UAP1: variants seen among roughly 807,000 people sequenced by gnomAD.
The protein encoded by UAP1 is UDP-N-acetylglucosamine pyrophosphorylase 1.
In UAP1, 25 loss-of-function variants were observed where a neutral mutation model predicts 58.5. The ratio of observed to expected loss-of-function variants is 0.43; its 90% CI spans 0.31 to 0.60. The LOEUF (loss-of-function observed/expected upper bound fraction) is 0.60, where lower values mean the gene tolerates loss of function less well. UAP1 is among the 20% of genes least tolerant of loss of function. UAP1 has a pLI of 0.11. For synonymous variants in UAP1, 208 were observed against 213.0 expected, an observed-to-expected ratio of 0.98 and a Z score of 0.21; for missense variants, 575 against 630.0, an observed-to-expected ratio of 0.91 and a Z score of 0.93.
intron 2 of UAP1, among the ~76,000 whole-genome samples, chr1:162,571,429 G>A (rs1044284795): frequency 3.9e-5 from 6 of 152,098 alleles, no homozygotes; most frequent in Middle Eastern, 3.4e-3. Flanking sequence ...GCACCTGGCC[G>A]CTTTTTAAAA....
chr1:162,580,192 G>C (rs1005341145), intron 4 of UAP1, among the ~76,000 whole-genome samples: 5 of 152,080 alleles, frequency 3.3e-5, no homozygotes, highest in Admixed American at 1.3e-4. Flanking sequence ...TATGTATACT[G>C]CAATGTTCAT....
intron 2 of UAP1, among the ~76,000 whole-genome samples, chr1:162,572,604 G>A (rs538723132): frequency 6.6e-6 from 1 of 152,210 alleles, no homozygotes; most frequent in Non-Finnish European, 1.5e-5. Context: ...TGAAGAAAAT[G>A]TACTGTATAA....
At chr1:162,587,824 G>A in intron 6 of UAP1, 156 bp downstream of exon 6, 1 of 743,898 alleles carries the variant, frequency 1.3e-6, no homozygotes, top group Non-Finnish European at 2.1e-6. Context: ...TGTTGTGATT[G>A]TTTTTAGTAA....
chr1:162,589,120 T>A (rs1266452548), intron 7 of UAP1, among the ~76,000 whole-genome samples: 2 of 116,226 alleles, frequency 1.7e-5, no homozygotes, highest in Admixed American at 1.2e-4. Flanking sequence ...ATATATATAT[T>A]TTATATATAT....
chr1:162,575,572 C>T (rs1280715435), intron 2 of UAP1, among the ~76,000 whole-genome samples: 2 of 151,420 alleles, frequency 1.3e-5, no homozygotes, highest in African/African-American at 4.9e-5. Context: ...GCTGGGATTA[C>T]AGGCATGCAC....
intron 2 of UAP1, among the ~76,000 whole-genome samples, chr1:162,569,314 G>A (rs1008746028): frequency 6.6e-5 from 10 of 152,216 alleles, no homozygotes; most frequent in African/African-American, 2.4e-4. Context: ...TAATTGCAAA[G>A]TATCTGGTGG....
chr1:162,575,347 G>A (rs1654113602), intron 2 of UAP1, among the ~76,000 whole-genome samples: 1 of 152,130 alleles, frequency 6.6e-6, no homozygotes, highest in Non-Finnish European at 1.5e-5. Flanking sequence ...GGGATTACAG[G>A]CGTGAGCCAC....
intron 2 of UAP1, among the ~76,000 whole-genome samples, chr1:162,568,708 A>G (rs1463163680): frequency 6.6e-6 from 1 of 152,196 alleles, no homozygotes; most frequent in Non-Finnish European, 1.5e-5. Flanking sequence ...CTGGGTTTCA[A>G]AAAGGCTACT....
At chr1:162,596,869 A>T (rs187816746) in intron 9 of UAP1, among the ~76,000 whole-genome samples, 160 of 152,346 alleles carry the variant, frequency 1.1e-3, no homozygotes, top group Middle Eastern at 3.4e-3. Context: ...GGCAAATAAC[A>T]AAGAGGTCTA....
chr1:162,565,600 G>A lies in UAP1; in HGVS notation c.-57-412G>A, dbSNP rs114507261. Among the ~76,000 whole-genome samples the A allele has an allele frequency of 4.1e-3, 627 of 152,276 alleles. 1 individual carries two copies. The highest frequency in any genetic ancestry group is 0.015 in the African/African-American group (604 of 41,538). Reference sequence around the variant, plus strand: ...AAACATTTAAATATTAAGCAGTCAGGTGTTCTTTCAGTGGTAGCTTAGTGG... The same window carrying A: ...AAACATTTAAATATTAAGCAGTCAGATGTTCTTTCAGTGGTAGCTTAGTGG... On this transcript the variant is annotated intron_variant, in intron 1 of 10. Transcript: ENST00000271469.
chr1:162,572,713 A>G (rs1197841078), intron 2 of UAP1, among the ~76,000 whole-genome samples: 4 of 152,240 alleles, frequency 2.6e-5, no homozygotes, highest in Non-Finnish European at 5.9e-5. Context: ...ATGGTATGCA[A>G]GTGTCCAGAC....
chr1:162,594,293 C>A (rs753846823), intron 9 of UAP1, among the ~76,000 whole-genome samples: 9 of 152,278 alleles, frequency 5.9e-5, no homozygotes, highest in Non-Finnish European at 8.8e-5. Flanking sequence ...AACCTAGATC[C>A]CTTACATGGG....
intron 1 of UAP1, among the ~76,000 whole-genome samples, chr1:162,563,161 A>G (rs925970220): frequency 1.3e-5 from 2 of 152,202 alleles, no homozygotes; most frequent in Admixed American, 1.3e-4. Context: ...GCCTCTAAAC[A>G]TCGTTAATGG....
chr1:162,571,108 T>TTC, intron 2 of UAP1, among the ~76,000 whole-genome samples: 1 of 151,914 alleles, frequency 6.6e-6, no homozygotes, highest in South Asian at 2.1e-4. Flanking sequence ...TTTTTTTTTT[T>TTC]TCTAACTTCT....
intron 7 of UAP1, among the ~76,000 whole-genome samples, chr1:162,589,945 T>G (rs2101823663): frequency 6.6e-6 from 1 of 152,200 alleles, no homozygotes; most frequent in South Asian, 2.1e-4. Flanking sequence ...CACTCCAGCC[T>G]GGGTGACAGA....
rs761906944 is a variant in UAP1 at position 162,579,413 on chromosome 1, A to C, written c.486-15A>C. On this transcript the variant is annotated splice_polypyrimidine_tract_variant and intron_variant, in intron 3 of 10. Coordinates refer to ENST00000271469, the Ensembl canonical transcript of UAP1. The stretch of plus-strand genomic sequence containing the variant: ...CTAGCACGGTTGCTTAGAAGATCTG[A>C]TTTTCTCTTGTAAGGTATATAATGA... 73 of 1,473,316 alleles carry C rather than the reference A, an allele frequency of 5.0e-5. 1 individual carries two copies. Among genetic ancestry groups the C allele is most frequent in the Non-Finnish European group, 1.6e-5 (18 of 1,107,028 alleles). 91.3% of individuals were successfully genotyped at this position (1,473,316 alleles called of 1,614,324 possible). A position where few individuals can be genotyped will look rare whatever the true frequency, so the allele number is the denominator to read the frequency against.
chr1:162,589,256 AAT>A (rs952667994), intron 7 of UAP1, among the ~76,000 whole-genome samples: 2 of 127,610 alleles, frequency 1.6e-5, no homozygotes, highest in East Asian at 2.0e-4. Flanking sequence ...GTTATATATA[AAT>A]ATATATTTAT....
intron 7 of UAP1, 76 bp from the exon 8 acceptor site, chr1:162,590,247 C>A: frequency 1.7e-6 from 2 of 1,210,124 alleles, no homozygotes; most frequent in Non-Finnish European, 1.1e-6. Context: ...GAGACCAAAG[C>A]CTTAGCTATG....
intron 2 of UAP1, among the ~76,000 whole-genome samples, chr1:162,571,828 G>A (rs905006360): frequency 6.6e-6 from 1 of 152,186 alleles, no homozygotes; most frequent in Non-Finnish European, 1.5e-5. Context: ...CGTAGTAACA[G>A]CTGAAGTAGA....
Sources: gnomAD v4.1 joint callset for allele counts (sites outside exome capture counted in the v4.1 genomes callset) on GRCh38, gnomAD v4.1.1 for gene constraint, MANE v1.5 for transcripts, NCBI Gene and HGNC (gene_info 2026-07-23, HGNC 2026-07-21) for gene names.